The following ANGPTL5 variants were observed in gnomAD, a reference collection of about 807,000 sequenced individuals.
The protein encoded by ANGPTL5 is angiopoietin like 5, also known as angiopoietin-related protein 5.
Under a neutral mutation model 39.4 loss-of-function variants are expected in ANGPTL5, and 34 were observed. The observed-to-expected ratio is 0.86, with a 90% CI of 0.66 to 1.15. ANGPTL5 has a LOEUF of 1.15. Ranked by LOEUF, ANGPTL5 falls within the 50% of genes most tolerant of loss-of-function variation. The pLI, the probability that ANGPTL5 is intolerant of heterozygous loss-of-function variation, is 0.00. For missense variants in ANGPTL5, 467 were observed against 457.5 expected, an observed-to-expected ratio of 1.02 and a Z score of -0.19; for synonymous variants, 146 against 152.1, an observed-to-expected ratio of 0.96 and a Z score of 0.29.
At chr11:101,911,429 G>A (rs139751881) in intron 1 of ANGPTL5, among the ~76,000 whole-genome samples, 20 of 151,942 alleles carry the variant, frequency 1.3e-4, no homozygotes, top group Admixed American at 3.9e-4. Context: ...AGGCCTCCCC[G>A]CCCAAATCTT....
At chr11:101,895,208 A>G in intron 7 of ANGPTL5, 144 bp from the exon 8 acceptor site, 1 of 668,830 alleles carries the variant, frequency 1.5e-6, no homozygotes, top group South Asian at 2.3e-5. Flanking sequence ...ACCTAGCTCA[A>G]ATTATCAGTG....
chr11:101,896,088 C>T (rs1203044899), intron 7 of ANGPTL5, among the ~76,000 whole-genome samples: 1 of 151,994 alleles, frequency 6.6e-6, no homozygotes, highest in African/African-American at 2.4e-5. Flanking sequence ...AATTTAAGTG[C>T]CCCTGCCATC....
At chr11:101,910,420 AAAAAAT>A (rs1054421084) in intron 1 of ANGPTL5, among the ~76,000 whole-genome samples, 4 of 128,412 alleles carry the variant, frequency 3.1e-5, no homozygotes, top group Non-Finnish European at 6.6e-5. Flanking sequence ...CAAAAAAAAA[AAAAAAT>A]ATATATATAT....
chr11:101,915,155 C>G, intron 1 of ANGPTL5: 1 of 1,425,320 alleles, frequency 7.0e-7, no homozygotes, highest in Non-Finnish European at 9.5e-7. Context: ...TCGAGGCCAA[C>G]CCTTCCGCGC....
chr11:101,897,984 G>C (rs1453612003), intron 7 of ANGPTL5, among the ~76,000 whole-genome samples: 1 of 152,092 alleles, frequency 6.6e-6, no homozygotes, highest in African/African-American at 2.4e-5. Flanking sequence ...AGCACTTTGG[G>C]AGGCCGAGGC....
At chr11:101,907,286 A>G (rs1384277748) in intron 2 of ANGPTL5, 39 bp from the exon 3 acceptor site, 1 of 1,277,134 alleles carries the variant, frequency 7.8e-7, no homozygotes, top group Non-Finnish European at 1.1e-6. Flanking sequence ...AAAATACATT[A>G]AACATGTTAT....
At position 101,891,356 on chromosome 11, in the gene ANGPTL5, T is replaced by C. The variant is rs767829656; in HGVS notation, c.1090A>G (p.Thr364Ala). 1.2e-6 allele frequency: 2 copies of C among 1,614,092 alleles called. No individual in the cohort carries two copies. Among genetic ancestry groups the C allele is most frequent in the Admixed American group, 3.3e-5 (2 of 59,984 alleles). Residue 364 changes from threonine (T) to alanine (A), a missense_variant, in exon 9 of 9, where the codon ACC (threonine) becomes GCC (alanine). By Grantham distance (58) the Thr-to-Ala change is moderately conservative (BLOSUM62 0). Coordinates refer to ENST00000334289, the MANE Select transcript of ANGPTL5 (RefSeq NM_178127.5). ...LATGIQWGTW[T>A]KNNSPVKIKS... is the part of the protein sequence containing the mutation. ...ATCTTGACAGGTGAGTTGTTTTTGGTCCACGTGCCCCATTGAATTCCAGTT... is the reference window on the plus strand; with the variant it reads ...ATCTTGACAGGTGAGTTGTTTTTGGCCCACGTGCCCCATTGAATTCCAGTT...
At chr11:101,899,380 G>A (rs1056991343) in intron 7 of ANGPTL5, among the ~76,000 whole-genome samples, 8 of 152,302 alleles carry the variant, frequency 5.3e-5, no homozygotes, top group Non-Finnish European at 7.3e-5. Flanking sequence ...GGTTACAGGC[G>A]TGAGCCACTA....
chr11:101,892,260 G>T (rs565149720), intron 8 of ANGPTL5, among the ~76,000 whole-genome samples: 2 of 150,364 alleles, frequency 1.3e-5, no homozygotes, highest in Admixed American at 6.7e-5. Flanking sequence ...ACAGAGTTTT[G>T]CTCTTGTCCC....
intron 5 of ANGPTL5, 45 bp from the exon 6 acceptor site, chr11:101,902,766 T>C: frequency 8.0e-7 from 1 of 1,247,684 alleles, no homozygotes; most frequent in Non-Finnish European, 1.2e-6. Flanking sequence ...CAAATGTACA[T>C]TTAAGGCAAT....
At chr11:101,911,093 T>C (rs1272027892) in intron 1 of ANGPTL5, among the ~76,000 whole-genome samples, 1 of 85,342 alleles carries the variant, frequency 1.2e-5, no homozygotes. Context: ...CCTACCCAAA[T>C]CTTTTTTTTT....
rs185020257 is a variant in ANGPTL5, at chr11:101,916,206, A to T, written c.-280T>A. ...ATCATCTTCAGTCTTGTCAGAGATG[A>T]GTGTCTTCTCTTTCCAAGTTAACTC... On this transcript the variant is annotated 5_prime_UTR_variant, in exon 1 of 9. Transcript: ENST00000334289. 1 of 152,294 alleles carries T rather than the reference A, an allele frequency of 6.6e-6. No homozygotes were observed. The highest frequency in any genetic ancestry group is 1.5e-5 in the Non-Finnish European group (1 of 68,024). The allele number at this position is 152,294 out of a possible 1,614,324, so 9.4% of individuals were successfully genotyped here.
chr11:101,909,704 T>C (rs1007873881), intron 1 of ANGPTL5, among the ~76,000 whole-genome samples: 1 of 151,432 alleles, frequency 6.6e-6, no homozygotes, highest in South Asian at 2.1e-4. Flanking sequence ...AAAAAAAAAA[T>C]AGCCTCAGCC....
intron 8 of ANGPTL5, among the ~76,000 whole-genome samples, chr11:101,891,843 T>C (rs1939703060): frequency 6.6e-6 from 1 of 151,724 alleles, no homozygotes; most frequent in Non-Finnish European, 1.5e-5. Context: ...CAAAATGGAG[T>C]TTTGCTGTGT....
chr11:101,904,823 G>T lies in ANGPTL5; in HGVS notation c.430C>A (p.Gln144Lys). The change falls in exon 5 of 9, where the codon CAG becomes AAG. Residue 144 changes from glutamine to lysine, a missense_variant. Transcript: ENST00000334289. ...ATACCAAAGTTCTCACCATGTGACT[G>T]AACAGGTCTGTGAGGAAAAGGATCC... ...QLDPFPHRPV[Q>K]SHGLDCTDIK... 1 of 1,612,698 alleles carries T rather than the reference G, an allele frequency of 6.2e-7. No homozygotes were observed. The highest frequency in any genetic ancestry group is 8.5e-7 in the Non-Finnish European group (1 of 1,178,792).
chr11:101,894,536 G>C (rs1591250677), intron 8 of ANGPTL5, among the ~76,000 whole-genome samples: 1 of 152,138 alleles, frequency 6.6e-6, no homozygotes, highest in East Asian at 1.9e-4. Context: ...GATGACTAGA[G>C]ATCATCTCTA....
At chr11:101,915,042 A>C (rs1011931505) in intron 1 of ANGPTL5, 1 of 461,168 alleles carries the variant, frequency 2.2e-6, no homozygotes, top group Non-Finnish European at 3.8e-6. Context: ...TGGCGGCTGC[A>C]GGGTTGCTGC....
rs76594936 is a variant in ANGPTL5, at chr11:101,895,679, C to T, written c.662-615G>A. On this transcript the variant is annotated intron_variant, in intron 7 of 8. Transcript: ENST00000334289. ...TCCCCGGGTTTAGGATCAATATTTC[C>T]AAGACAATTATAGATTCAGGATGAA... is the stretch of plus-strand genomic sequence containing the variant. Among the ~76,000 whole-genome samples the T allele has an allele frequency of 1.1e-3, 166 of 152,172 alleles. 1 individual carries two copies. The highest frequency in any genetic ancestry group is 3.9e-3 in the African/African-American group (160 of 41,510).
Position 101,891,003 on chromosome 11 carries a change from A to C in ANGPTL5, c.*276T>G. ...TCAAAGAAAAGGCAAAATCCTTTAAAATCACTATAAATTTTAGGAAGACAA... is the reference window on the plus strand; with the variant it reads ...TCAAAGAAAAGGCAAAATCCTTTAACATCACTATAAATTTTAGGAAGACAA... On this transcript the variant is annotated 3_prime_UTR_variant, in exon 9 of 9. Coordinates refer to ENST00000334289, the MANE Select transcript of ANGPTL5 (RefSeq NM_178127.5). 4.1e-6 allele frequency: 1 copy of C among 246,182 alleles called. No individual in the cohort carries two copies. Among genetic ancestry groups the C allele is most frequent in the Non-Finnish European group, 7.8e-6 (1 of 128,006 alleles). 15.2% of individuals were successfully genotyped at this position (246,182 alleles called of 1,614,324 possible). A position where few individuals can be genotyped will look rare whatever the true frequency, so the allele number is the denominator to read the frequency against.
Sources: gnomAD v4.1 joint callset for allele counts (sites outside exome capture counted in the v4.1 genomes callset) on GRCh38, gnomAD v4.1.1 for gene constraint, MANE v1.5 for transcripts, NCBI Gene and HGNC (gene_info 2026-07-23, HGNC 2026-07-21) for gene names.